LRRC4C: variants seen among roughly 807,000 people sequenced by gnomAD.
The protein encoded by LRRC4C is leucine rich repeat containing 4C.
Under a neutral mutation model 33.6 loss-of-function variants are expected in LRRC4C, and 5 were observed. The ratio of observed to expected loss-of-function variants is 0.15; its 90% CI spans 0.08 to 0.31. The LOEUF (loss-of-function observed/expected upper bound fraction) is 0.31, where lower values mean the gene tolerates loss of function less well. Among genes scored for constraint, LRRC4C ranks in the 10% least tolerant of loss-of-function variants. The pLI is 1.00. For synonymous variants in LRRC4C, 329 were observed against 302.0 expected (o/e 1.09, Z -0.93); for missense variants, 560 against 796.7 (o/e 0.70, Z 3.58).
chr11:40,864,580 T>C (rs79988799), intron 2 of LRRC4C, among the ~76,000 whole-genome samples: 5,140 of 152,292 alleles, frequency 0.034, 101 homozygotes, highest in African/African-American at 0.046. Flanking sequence ...CAACCTTGTA[T>C]AGCTAAGGCA....
chr11:41,433,165 T>G (rs555588246), intron 1 of LRRC4C, among the ~76,000 whole-genome samples: 17 of 152,244 alleles, frequency 1.1e-4, no homozygotes, highest in Admixed American at 9.8e-4. Flanking sequence ...AAACACGAGT[T>G]TATGAAATTA....
At chr11:40,480,403 C>T (rs1275697493) in intron 3 of LRRC4C, among the ~76,000 whole-genome samples, 6 of 151,334 alleles carry the variant, frequency 4.0e-5, no homozygotes, top group Non-Finnish European at 8.8e-5. Flanking sequence ...ACCACATGTT[C>T]TCATTTAAAA....
chr11:41,140,153 G>T (rs941647359), intron 1 of LRRC4C, among the ~76,000 whole-genome samples: 5 of 152,106 alleles, frequency 3.3e-5, no homozygotes, highest in African/African-American at 2.4e-5. Flanking sequence ...CTCACTTAGT[G>T]AAGACTAATT....
At chr11:40,850,178 G>C (rs563550584) in intron 2 of LRRC4C, among the ~76,000 whole-genome samples, 55 of 151,862 alleles carry the variant, frequency 3.6e-4, no homozygotes, top group African/African-American at 1.3e-3. Flanking sequence ...TCCCTTGCTG[G>C]TGAGGAGTTG....
chr11:41,329,993 C>T (rs1411039951), intron 1 of LRRC4C, among the ~76,000 whole-genome samples: 2 of 152,154 alleles, frequency 1.3e-5, no homozygotes, highest in East Asian at 3.9e-4. Context: ...CTGAATTTTC[C>T]AGAAGGTTAA....
intron 3 of LRRC4C, among the ~76,000 whole-genome samples, chr11:40,635,198 C>T (rs1963845098): frequency 6.6e-6 from 1 of 152,204 alleles, no homozygotes; most frequent in African/African-American, 2.4e-5. Context: ...TAGTTTCACC[C>T]AGGTCATCCA....
At chr11:41,391,195 G>A (rs182885065) in intron 1 of LRRC4C, among the ~76,000 whole-genome samples, 15 of 151,816 alleles carry the variant, frequency 9.9e-5, no homozygotes, top group Admixed American at 6.6e-4. Flanking sequence ...TCTCTGCCCT[G>A]CCTTCTTCTT....
intron 1 of LRRC4C, among the ~76,000 whole-genome samples, chr11:41,161,854 G>A (rs1354102315): frequency 2.0e-5 from 3 of 152,136 alleles, no homozygotes; most frequent in Admixed American, 2.0e-4. Flanking sequence ...GACTACCTGA[G>A]TTCTAGAGAG....
chr11:40,159,089 G>C lies in LRRC4C; in HGVS notation c.-95-18236C>G, dbSNP rs61506976. On this transcript the variant is annotated intron_variant, in intron 5 of 6. Transcript: ENST00000528697. ...GAAAAAGCAAAGTGCACATTTCTAC[G>C]TATAGGGAAAATCCTCTTGCAGATG... 3.7e-3 allele frequency among the ~76,000 whole-genome samples: 569 copies of C among 152,238 alleles called. 1 individual carries two copies. Among genetic ancestry groups the C allele is most frequent in the African/African-American group, 0.013 (542 of 41,538 alleles).
chr11:40,780,913 G>A (rs1014337990), intron 2 of LRRC4C, among the ~76,000 whole-genome samples: 6 of 152,030 alleles, frequency 3.9e-5, no homozygotes, highest in African/African-American at 1.4e-4. Flanking sequence ...AGTGAAAGAT[G>A]TGCGGAGAGA....
chr11:40,195,335 C>T (rs1170734961), intron 5 of LRRC4C, among the ~76,000 whole-genome samples: 2 of 152,030 alleles, frequency 1.3e-5, no homozygotes. Flanking sequence ...TATGAATAAA[C>T]AGCCTGCAAT....
chr11:40,151,370 T>G (rs186433557), intron 5 of LRRC4C, among the ~76,000 whole-genome samples: 46 of 152,300 alleles, frequency 3.0e-4, no homozygotes, highest in Non-Finnish European at 5.3e-4. Context: ...TATACAGCAA[T>G]TCTTATCCCA....
chr11:40,551,517 T>A (rs12279018), intron 3 of LRRC4C, among the ~76,000 whole-genome samples: 85,754 of 151,642 alleles, frequency 0.57, 24,673 homozygotes, highest in East Asian at 0.76. Context: ...TACCCGGGAC[T>A]CCATTTTCCT....
At chr11:40,791,385 G>A (rs1025790837) in intron 2 of LRRC4C, among the ~76,000 whole-genome samples, 1 of 152,144 alleles carries the variant, frequency 6.6e-6, no homozygotes, top group African/African-American at 2.4e-5. Flanking sequence ...GGGAGTTCAA[G>A]AAGTGTTGCT....
intron 1 of LRRC4C, among the ~76,000 whole-genome samples, chr11:41,183,514 T>C (rs1262525639): frequency 1.3e-5 from 2 of 152,116 alleles, no homozygotes; most frequent in Non-Finnish European, 2.9e-5. Flanking sequence ...TTTGACTCCA[T>C]GTCTCACACC....
rs559116076 is a variant in LRRC4C, at chr11:40,148,387, A to T, written c.-95-7534T>A. Among the ~76,000 whole-genome samples the T allele has an allele frequency of 2.6e-5, 4 of 152,260 alleles. No homozygotes were observed. The South Asian group carries it at 8.3e-4, about 32-fold the overall frequency. ...TATAATAGCCATTCTGACTGGTGTGAGATGATATCTCACTGTGGTTTTGTT... is the reference window on the plus strand; with the variant it reads ...TATAATAGCCATTCTGACTGGTGTGTGATGATATCTCACTGTGGTTTTGTT... On this transcript the variant is annotated intron_variant, in intron 5 of 6. Transcript: ENST00000528697.
chr11:40,756,981 C>T (rs1023198874), intron 2 of LRRC4C, among the ~76,000 whole-genome samples: 4 of 151,882 alleles, frequency 2.6e-5, no homozygotes, highest in East Asian at 1.9e-4. Context: ...TTCTTTTAAA[C>T]GTAGTAGCAT....
intron 4 of LRRC4C, among the ~76,000 whole-genome samples, chr11:40,282,368 C>A (rs980187100): frequency 1.3e-5 from 2 of 151,790 alleles, no homozygotes; most frequent in African/African-American, 4.8e-5. Context: ...AACAAAACAA[C>A]AAAAAAACCC....
intron 1 of LRRC4C, among the ~76,000 whole-genome samples, chr11:41,171,944 G>A (rs187497048): frequency 5.3e-5 from 8 of 152,118 alleles, no homozygotes; most frequent in Admixed American, 1.3e-4. Flanking sequence ...CATTATGTAC[G>A]TTTCTGATAA....
Sources: gnomAD v4.1 joint callset for allele counts (sites outside exome capture counted in the v4.1 genomes callset) on GRCh38, gnomAD v4.1.1 for gene constraint, MANE v1.5 for transcripts, NCBI Gene and HGNC (gene_info 2026-07-23, HGNC 2026-07-21) for gene names.